Variants in SCNN1B observed in about 807,000 individuals in gnomAD.
SCNN1B encodes the protein sodium channel epithelial 1 subunit beta, also known as epithelial sodium channel subunit beta.
In SCNN1B, 46 loss-of-function variants were observed where a neutral mutation model predicts 65.3. The observed-to-expected ratio is 0.70, with a 90% confidence interval of 0.56 to 0.90. The LOEUF is 0.90. Ranked by LOEUF, SCNN1B falls within the 40% of genes least tolerant of loss-of-function variation. The pLI is 0.00. For missense variants in SCNN1B, 751 were observed against 830.5 expected, an observed-to-expected ratio of 0.90 and a Z score of 1.18; for synonymous variants, 349 against 330.6, an observed-to-expected ratio of 1.06 and a Z score of -0.60.
chr16:23,313,729 A>G (rs748059837), intron 1 of SCNN1B, among the ~76,000 whole-genome samples: 1 of 152,118 alleles, frequency 6.6e-6, no homozygotes, highest in Non-Finnish European at 1.5e-5. Flanking sequence ...CTCCTGCCCC[A>G]GCCTCCCAAG....
intron 1 of SCNN1B, among the ~76,000 whole-genome samples, chr16:23,279,844 T>A (rs1960759215): frequency 6.6e-6 from 1 of 152,098 alleles, no homozygotes; most frequent in African/African-American, 2.4e-5. Flanking sequence ...CCTGCAGAGC[T>A]CCGAGCTCTC....
chr16:23,304,371 G>A (rs959525534), intron 1 of SCNN1B, among the ~76,000 whole-genome samples: 1 of 151,974 alleles, frequency 6.6e-6, no homozygotes, highest in Non-Finnish European at 1.5e-5. Context: ...CACACACACA[G>A]GTGTGTGCAC....
chr16:23,379,999 T>A, intron 11 of SCNN1B, 95 bp from the exon 12 acceptor site: 2 of 908,846 alleles, frequency 2.2e-6, no homozygotes, highest in Non-Finnish European at 3.7e-6. Context: ...TGTGTGCACG[T>A]GCATGTGTGT....
intron 1 of SCNN1B, among the ~76,000 whole-genome samples, chr16:23,325,305 C>T (rs187449270): frequency 2.7e-3 from 414 of 151,982 alleles, no homozygotes; most frequent in African/African-American, 9.8e-3. Context: ...CTCACTTTGT[C>T]GCCCTGGCTG....
intron 1 of SCNN1B, among the ~76,000 whole-genome samples, chr16:23,316,016 C>G (rs922649905): frequency 1.1e-5 from 1 of 88,016 alleles, no homozygotes; most frequent in African/African-American, 8.0e-5. Context: ...CACCATCATC[C>G]CCATCATCAC....
At chr16:23,359,214 C>G (rs1962483395) in intron 4 of SCNN1B, 1 of 152,174 alleles carries the variant, frequency 6.6e-6, no homozygotes, top group South Asian at 2.1e-4. Context: ...GCCACCGCGC[C>G]CAGCCTTCCC....
intron 7 of SCNN1B, among the ~76,000 whole-genome samples, chr16:23,375,484 G>A (rs1962873937): frequency 6.6e-6 from 1 of 152,178 alleles, no homozygotes; most frequent in Non-Finnish European, 1.5e-5. Context: ...GGTGGGACCT[G>A]GGATACTGCG....
chr16:23,331,303 G>C (rs192799661), intron 1 of SCNN1B, among the ~76,000 whole-genome samples: 78 of 151,312 alleles, frequency 5.2e-4, no homozygotes, highest in African/African-American at 1.7e-3. Flanking sequence ...AGTTCAAGGG[G>C]CCAGGGAGCT....
chr16:23,360,944 G>A (rs566761851), intron 4 of SCNN1B, among the ~76,000 whole-genome samples: 2 of 152,132 alleles, frequency 1.3e-5, no homozygotes, highest in East Asian at 3.9e-4. Context: ...ACAGGCAGCC[G>A]CCACCACAAC....
chr16:23,333,576 G>A (rs1961873758), intron 1 of SCNN1B, among the ~76,000 whole-genome samples: 1 of 152,176 alleles, frequency 6.6e-6, no homozygotes, highest in African/African-American at 2.4e-5. Flanking sequence ...CACTTACTTT[G>A]CGACGGGCAC....
intron 1 of SCNN1B, among the ~76,000 whole-genome samples, chr16:23,307,958 T>C (rs966223593): frequency 6.6e-6 from 1 of 152,016 alleles, no homozygotes; most frequent in African/African-American, 2.4e-5. Context: ...GGTGAGAGGA[T>C]TGCTTGAGCC....
Position 23,352,411 on chromosome 16 carries a change from G to A in SCNN1B, c.312-390G>A, listed in dbSNP as rs892763761. The stretch of plus-strand genomic sequence containing the variant: ...TATTGAATTGTAACCCCCATGTGTC[G>A]AGGGAGGGACCTGGTGTGGGTGATT... On this transcript the variant is annotated intron_variant, in intron 2 of 12. Transcript: ENST00000343070. Among the ~76,000 whole-genome samples the A allele has an allele frequency of 5.9e-5, 9 of 152,156 alleles. No individual in the cohort carries two copies. In the South Asian group the frequency reaches 8.3e-4, roughly 14 times the overall value.
At chr16:23,370,223 A>G (rs1962754844) in intron 5 of SCNN1B, among the ~76,000 whole-genome samples, 1 of 152,124 alleles carries the variant, frequency 6.6e-6, no homozygotes, top group African/African-American at 2.4e-5. Flanking sequence ...CTCCTGCCTC[A>G]GCCTCCCGAG....
chr16:23,333,512 T>C (rs1446192827), intron 1 of SCNN1B, among the ~76,000 whole-genome samples: 1 of 152,188 alleles, frequency 6.6e-6, no homozygotes, highest in Non-Finnish European at 1.5e-5. Flanking sequence ...TTCCATAAAA[T>C]GTTAATACCA....
chr16:23,344,605 C>A (rs1962145480), intron 1 of SCNN1B, among the ~76,000 whole-genome samples: 1 of 152,162 alleles, frequency 6.6e-6, no homozygotes, highest in Non-Finnish European at 1.5e-5. Flanking sequence ...GGGAATAGAC[C>A]TTCTGGGGAA....
intron 4 of SCNN1B, among the ~76,000 whole-genome samples, chr16:23,356,982 C>T (rs1962433870): frequency 6.6e-6 from 1 of 152,248 alleles, no homozygotes; most frequent in Non-Finnish European, 1.5e-5. Flanking sequence ...CTCAGAGCCC[C>T]TTGTCGGCCT....
rs376401500 is a variant in SCNN1B, at chr16:23,348,637, G to A, written c.38G>A (p.Arg13Gln). ...VKKYLLKGLH[R>Q]LQKGPGYTYK... ...AAGTACCTGCTGAAGGGCCTGCATC[G>A]GCTGCAGAAGGGCCCCGGCTACACG... Residue 13 changes from arginine to glutamine, a missense_variant, in exon 2 of 13, where the codon CGG (arginine) becomes CAG (glutamine). Transcript: ENST00000343070. This position sits in a 1 kb window ranked among gnomAD's most constrained non-coding sequence, Gnocchi z 4.5. The A allele has an allele frequency of 8.1e-6, 13 of 1,613,272 alleles. No individual in the cohort carries two copies. Among genetic ancestry groups the A allele is most frequent in the African/African-American group, 6.7e-5 (5 of 74,886 alleles).
At chr16:23,304,190 A>T (rs1265344202) in intron 1 of SCNN1B, 1 of 1,081,480 alleles carries the variant, frequency 9.2e-7, no homozygotes, top group Non-Finnish European at 1.4e-6. Flanking sequence ...ACTTCACAGG[A>T]TCTGAATTTA....
At chr16:23,359,833 G>A (rs148629546) in intron 4 of SCNN1B, among the ~76,000 whole-genome samples, 49 of 152,304 alleles carry the variant, frequency 3.2e-4, no homozygotes, top group African/African-American at 1.1e-3. Context: ...CATTATTGGG[G>A]GATTAAATGA....
Sources: gnomAD v4.1 joint callset for allele counts (sites outside exome capture counted in the v4.1 genomes callset) on GRCh38, gnomAD v4.1.1 for gene constraint, Gnocchi (gnomAD v3.1) non-coding constraint, MANE v1.5 for transcripts, NCBI Gene and HGNC (gene_info 2026-07-23, HGNC 2026-07-21) for gene names.